The following INVS variants were observed in gnomAD, a reference collection of about 807,000 sequenced individuals.
INVS encodes the protein inversion of embryo turning homolog.
Under a neutral mutation model 108.8 loss-of-function variants are expected in INVS, and 86 were observed. That is an observed-to-expected ratio of 0.79 (90% CI 0.66 to 0.95). The LOEUF is 0.95. INVS is among the 40% of genes least tolerant of loss of function. The probability of loss-of-function intolerance (pLI) is 0.00; values close to 1 mark genes in which losing one functional copy is unlikely to be tolerated. For missense variants in INVS, 1,169 were observed against 1,297.4 expected (o/e 0.90, Z 1.52); for synonymous variants, 455 against 473.5 (o/e 0.96, Z 0.51).
At chr9:100,164,373 A>T (rs1829292646) in intron 3 of INVS, among the ~76,000 whole-genome samples, 2 of 152,040 alleles carry the variant, frequency 1.3e-5, no homozygotes, top group African/African-American at 4.8e-5. Flanking sequence ...CAAATTATAG[A>T]TGTGAAAGGA....
intron 3 of INVS, among the ~76,000 whole-genome samples, chr9:100,137,548 A>C (rs1371414543): frequency 7.1e-6 from 1 of 140,740 alleles, no homozygotes; most frequent in Non-Finnish European, 1.5e-5. Flanking sequence ...TAATTCAAAG[A>C]CATTTGGTAC....
At position 100,284,506 on chromosome 9, in the gene INVS, C is replaced by G. The variant is rs114942117; in HGVS notation, c.1971C>G (p.Asp657Glu). The G allele has an allele frequency of 7.5e-5, 121 of 1,614,154 alleles. No individual in the cohort carries two copies. In the African/African-American group the frequency reaches 1.5e-3, roughly 20 times the overall value. Residue 657 changes from aspartate (D) to glutamate (E), a missense_variant, in exon 13 of 17, where the codon GAC (aspartate) becomes GAG (glutamate). Around this residue, in one of 3 missense-constraint regions of INVS, gnomAD observed 533 missense variants for 536.0 expected, o/e 0.99. Transcript: ENST00000262457. ...TGGCCCAAGGCCCTGAGCCAAGAGA[C>G]AGCAGAGGATCTCCAGGAGGGTCTC... ...GNVAQGPEPR[D>E]SRGSPGGSLG...
Position 100,190,807 on chromosome 9 carries a change from A to C in INVS, c.274-35255A>C, listed in dbSNP as rs528390625. On this transcript the variant is annotated intron_variant, in intron 3 of 16. Coordinates refer to ENST00000262457, the MANE Select transcript of INVS (RefSeq NM_014425.5). ...TACTGCTCTTAGAATTCTTTCCTTC[A>C]TGTTGATTTTAGATACCCTGATAAT... Among the ~76,000 whole-genome samples the C allele has an allele frequency of 9.3e-5, 14 of 151,254 alleles. 1 individual carries two copies. The South Asian group carries it at 2.9e-3, about 31-fold the overall frequency.
At position 100,284,302 on chromosome 9, in the gene INVS, C is replaced by G. The variant is rs1219449500; in HGVS notation, c.1785-18C>G. 1.9e-6 allele frequency: 3 copies of G among 1,613,114 alleles called. No homozygotes were observed. The East Asian group carries it at 6.7e-5, about 36-fold the overall frequency. On this transcript the variant is annotated intron_variant, in intron 12 of 16. Transcript: ENST00000262457. Reference sequence around the variant, plus strand: ...ACTCTTTAAATTTTTTCATCTTCTTCTTTGGCTTTGCTTCCAGAAAGCGAG... The same window carrying G: ...ACTCTTTAAATTTTTTCATCTTCTTGTTTGGCTTTGCTTCCAGAAAGCGAG...
chr9:100,100,836 A>ATATATAT (rs1491153088), intron 1 of INVS, among the ~76,000 whole-genome samples: 6 of 5,764 alleles, frequency 1.0e-3, no homozygotes, highest in Non-Finnish European at 1.2e-3. Context: ...TGTATATATA[A>ATATATAT]TATATATATA....
At position 100,273,139 on chromosome 9, in the gene INVS, G is replaced by T; in HGVS notation, c.1784+63G>T. The T allele has an allele frequency of 2.4e-6, 3 of 1,243,024 alleles. 1 individual carries two copies. Among genetic ancestry groups the T allele is most frequent in the Admixed American group, 1.7e-5 (1 of 59,420 alleles). The allele number at this position is 1,243,024 out of a possible 1,614,324, so 77.0% of individuals were successfully genotyped here. A position where few individuals can be genotyped will look rare whatever the true frequency, so the allele number is the denominator to read the frequency against. ...AGAATCAGGGTGGAAGTGGGGGTGT[G>T]GGGGGTGCTGGGGTGGCCAGGAGAG... On this transcript the variant is annotated intron_variant, in intron 12 of 16. Transcript: ENST00000262457.
chr9:100,167,585 A>C (rs1263609757), intron 3 of INVS, among the ~76,000 whole-genome samples: 1 of 151,768 alleles, frequency 6.6e-6, no homozygotes, highest in African/African-American at 2.4e-5. Flanking sequence ...TATTCTCCCT[A>C]CTCTGCTTTA....
At chr9:100,165,126 T>A (rs1829320665) in intron 3 of INVS, among the ~76,000 whole-genome samples, 1 of 151,966 alleles carries the variant, frequency 6.6e-6, no homozygotes, top group South Asian at 2.1e-4. Flanking sequence ...TTTATGGGTA[T>A]TTAGTAGGTA....
intron 2 of INVS, among the ~76,000 whole-genome samples, chr9:100,118,616 T>C (rs1197844013): frequency 6.6e-6 from 1 of 152,174 alleles, no homozygotes; most frequent in Non-Finnish European, 1.5e-5. Context: ...TATTTTTGTT[T>C]TTGTATATGT....
chr9:100,143,166 C>G (rs1099909), intron 3 of INVS, among the ~76,000 whole-genome samples: 104,152 of 151,916 alleles, frequency 0.69, 36,801 homozygotes, highest in East Asian at 0.91. Context: ...GAATAGCAAA[C>G]AAAGCATGTT....
At chr9:100,162,121 G>A (rs549296046) in intron 3 of INVS, among the ~76,000 whole-genome samples, 2 of 152,208 alleles carry the variant, frequency 1.3e-5, no homozygotes, top group Non-Finnish European at 2.9e-5. Context: ...GTAACGGGCT[G>A]GTAGCACAAT....
chr9:100,127,668 T>A (rs1564124068), intron 3 of INVS, among the ~76,000 whole-genome samples: 1 of 152,200 alleles, frequency 6.6e-6, no homozygotes, highest in Non-Finnish European at 1.5e-5. Flanking sequence ...ATTAGTTGAA[T>A]GCATAAAAAA....
intron 4 of INVS, 111 bp from the exon 5 acceptor site, chr9:100,229,549 A>G (rs1831440285): frequency 2.2e-6 from 2 of 892,278 alleles, no homozygotes; most frequent in Non-Finnish European, 1.8e-6. Context: ...GAAAACAAAG[A>G]TACAGGGCAA....
chr9:100,233,866 A>G (rs985805022), intron 5 of INVS, among the ~76,000 whole-genome samples: 2 of 152,202 alleles, frequency 1.3e-5, no homozygotes, highest in African/African-American at 2.4e-5. Flanking sequence ...TTTTGGTGTC[A>G]GGATGATGCT....
chr9:100,301,183 C>A lies in INVS; in HGVS notation c.*509C>A, dbSNP rs77675811. Among the ~76,000 whole-genome samples the A allele has an allele frequency of 6.7e-3, 895 of 132,946 alleles. 6 individuals carry two copies. Among genetic ancestry groups the A allele is most frequent in the Non-Finnish European group, 0.012 (693 of 59,680 alleles). The allele number at this position is 132,946 out of a possible 152,430, so 87.2% of individuals were successfully genotyped here. ...CACACACACACACACACACACATAT[C>A]ACGTCCCACTATTACTTCAAAATTA... On this transcript the variant is annotated 3_prime_UTR_variant, in exon 17 of 17. Transcript: ENST00000262457.
intron 5 of INVS, among the ~76,000 whole-genome samples, chr9:100,233,543 C>T (rs1269439189): frequency 6.6e-6 from 1 of 152,064 alleles, no homozygotes; most frequent in Non-Finnish European, 1.5e-5. Context: ...AGATATGTTC[C>T]ATCAATACCT....
In INVS at chr9:100,126,563, T is replaced by C; in HGVS notation, c.273+14T>C. ...GCAGCCCAGAAGGTGAGAAGTAAAA[T>C]TTCCTTGAAGAGTAAATGTTTTGTG... On this transcript the variant is annotated intron_variant, in intron 3 of 16. Coordinates refer to ENST00000262457, the MANE Select transcript of INVS (RefSeq NM_014425.5). The C allele has an allele frequency of 6.2e-7, 1 of 1,613,844 alleles. No homozygotes were observed. Among genetic ancestry groups the C allele is most frequent in the Non-Finnish European group, 8.5e-7 (1 of 1,179,754 alleles).
At chr9:100,212,886 C>T (rs1445136965) in intron 3 of INVS, among the ~76,000 whole-genome samples, 1 of 152,080 alleles carries the variant, frequency 6.6e-6, no homozygotes, top group East Asian at 1.9e-4. Context: ...GTTTGCTTGG[C>T]CTTCTATAAC....
At chr9:100,186,934 G>A (rs1830071491) in intron 3 of INVS, among the ~76,000 whole-genome samples, 1 of 151,806 alleles carries the variant, frequency 6.6e-6, no homozygotes, top group Non-Finnish European at 1.5e-5. Flanking sequence ...TTTTTGCCTA[G>A]ACTATTGTCT....
Sources: allele counts gnomAD v4.1 joint callset (sites outside exome capture counted in the v4.1 genomes callset), GRCh38; gene constraint gnomAD v4.1.1; regional missense constraint gnomAD v4.1.1; transcripts MANE v1.5; gene names NCBI Gene and HGNC (gene_info 2026-07-23, HGNC 2026-07-21).